The following DPP6 variants were observed in gnomAD, a reference collection of about 807,000 sequenced individuals.
DPP6 encodes the protein dipeptidyl peptidase like 6, also known as A-type potassium channel modulatory protein DPP6.
A neutral mutation model predicts 122.6 loss-of-function variants in DPP6; 69 were observed. The ratio of observed to expected loss-of-function variants is 0.56; its 90% CI spans 0.46 to 0.69. The LOEUF is 0.69. Ranked by LOEUF, DPP6 falls within the 30% of genes least tolerant of loss-of-function variation. The pLI, the probability that DPP6 is intolerant of heterozygous loss-of-function variation, is 0.00. For synonymous variants in DPP6, 418 were observed against 433.1 expected (o/e 0.97, Z 0.43); for missense variants, 928 against 1,116.9 (o/e 0.83, Z 2.41).
intron 7 of DPP6, among the ~76,000 whole-genome samples, chr7:154,701,376 A>G (rs1007481537): frequency 6.6e-6 from 1 of 152,212 alleles, no homozygotes; most frequent in African/African-American, 2.4e-5. Flanking sequence ...TTTTTAAAGT[A>G]TAACCCAACG....
rs752916936 is a variant in DPP6, at chr7:154,885,752, G to A, written c.2245+8G>A. ...CAGACTTCAAACTCTATGGTAAATA[G>A]CCCTGCAGGACCAAGCGACGGGCTC... On this transcript the variant is annotated splice_region_variant and intron_variant, in intron 22 of 25. Coordinates refer to ENST00000377770, the MANE Select transcript of DPP6 (RefSeq NM_130797.4). The A allele has an allele frequency of 8.2e-6, 13 of 1,580,590 alleles. No homozygotes were observed. Among genetic ancestry groups the A allele is most frequent in the Non-Finnish European group, 7.7e-6 (9 of 1,163,204 alleles).
chr7:154,003,006 C>A (rs533634597), intron 1 of DPP6, among the ~76,000 whole-genome samples: 1 of 151,836 alleles, frequency 6.6e-6, no homozygotes. Context: ...TAAAACAGGG[C>A]CTTTTGAGGG....
intron 1 of DPP6, among the ~76,000 whole-genome samples, chr7:154,374,700 C>T (rs943169787): frequency 2.0e-5 from 3 of 151,566 alleles, no homozygotes; most frequent in African/African-American, 7.3e-5. Flanking sequence ...CAACTTCCGA[C>T]TCCTGGGTTC....
chr7:154,082,846 C>CTTTCTTTTTTT (rs1260484862), intron 1 of DPP6, among the ~76,000 whole-genome samples: 10 of 106,254 alleles, frequency 9.4e-5, no homozygotes, highest in Admixed American at 1.9e-4. Context: ...TTTTCTTTTT[C>CTTTCTTTTTTT]TTTTTTTTTT....
intron 1 of DPP6, among the ~76,000 whole-genome samples, chr7:154,271,204 T>C (rs189445889): frequency 9.8e-5 from 15 of 152,336 alleles, no homozygotes; most frequent in African/African-American, 3.6e-4. Flanking sequence ...CCATTTATTT[T>C]GTCTCTACTG....
the DPP6 span, among the ~76,000 whole-genome samples, chr7:153,782,802 GCT>G: frequency 6.6e-6 from 1 of 152,062 alleles, no homozygotes; most frequent in African/African-American, 2.4e-5. Context: ...GCATCTCTCC[GCT>G]CTGTGTTGTT....
chr7:154,207,248 C>G (rs144942664), intron 1 of DPP6, among the ~76,000 whole-genome samples: 57 of 152,278 alleles, frequency 3.7e-4, no homozygotes, highest in African/African-American at 1.3e-3. Context: ...CTGTGAAAAC[C>G]CAATCATAGG....
chr7:153,852,089 C>T, the DPP6 span, among the ~76,000 whole-genome samples: 1 of 152,130 alleles, frequency 6.6e-6, no homozygotes, highest in Non-Finnish European at 1.5e-5. Context: ...TTCATGGTGG[C>T]TTCTCCCTTT....
chr7:154,338,959 G>C (rs114634745), intron 1 of DPP6, among the ~76,000 whole-genome samples: 1 of 152,136 alleles, frequency 6.6e-6, no homozygotes, highest in Non-Finnish European at 1.5e-5. Flanking sequence ...ACCGATGTGC[G>C]GGTGCCAATC....
At chr7:154,763,781 C>T (rs1319460178) in intron 8 of DPP6, among the ~76,000 whole-genome samples, 6 of 152,236 alleles carry the variant, frequency 3.9e-5, no homozygotes, top group African/African-American at 1.4e-4. Flanking sequence ...GCTCCCTAAG[C>T]TGGCTTTGGA....
At chr7:153,911,963 G>A (rs1188939790) in intron 1 of DPP6, among the ~76,000 whole-genome samples, 1 of 152,198 alleles carries the variant, frequency 6.6e-6, no homozygotes, top group Non-Finnish European at 1.5e-5. Context: ...AAGTCCTGAA[G>A]TACTTATCTG....
intron 24 of DPP6, 36 bp downstream of exon 24, chr7:154,889,380 G>C (rs1402995090): frequency 6.2e-6 from 10 of 1,609,024 alleles, no homozygotes; most frequent in Non-Finnish European, 8.5e-6. Context: ...TGTGTATCTA[G>C]TAAGAGCCTC....
intron 5 of DPP6, among the ~76,000 whole-genome samples, chr7:154,585,340 C>T (rs925765663): frequency 6.6e-6 from 1 of 152,140 alleles, no homozygotes; most frequent in East Asian, 1.9e-4. Flanking sequence ...GAGTTCTTAC[C>T]CTCAATGTCA....
chr7:153,802,608 T>C, the DPP6 span, among the ~76,000 whole-genome samples: 254 of 152,262 alleles, frequency 1.7e-3, no homozygotes, highest in African/African-American at 5.9e-3. Context: ...ATTATTGATG[T>C]TGTAAAATGC....
chr7:154,493,925 A>T (rs1824503456), intron 3 of DPP6, among the ~76,000 whole-genome samples: 1 of 152,238 alleles, frequency 6.6e-6, no homozygotes, highest in African/African-American at 2.4e-5. Flanking sequence ...GAGTTGCCAG[A>T]CTTCTCCTAG....
intron 5 of DPP6, among the ~76,000 whole-genome samples, chr7:154,589,815 T>C (rs1168179744): frequency 6.6e-6 from 1 of 152,248 alleles, no homozygotes; most frequent in Non-Finnish European, 1.5e-5. Context: ...TTTCAGATCA[T>C]GCCTCTGGAC....
chr7:154,397,011 A>G (rs1273200276), intron 1 of DPP6, among the ~76,000 whole-genome samples: 1 of 152,084 alleles, frequency 6.6e-6, no homozygotes, highest in African/African-American at 2.4e-5. Flanking sequence ...AATCTATGAA[A>G]CAGAATGAAA....
chr7:153,903,092 C>G (rs1563219552), intron 1 of DPP6, among the ~76,000 whole-genome samples: 2 of 152,116 alleles, frequency 1.3e-5, no homozygotes, highest in Non-Finnish European at 2.9e-5. Flanking sequence ...ACAATTTAGC[C>G]AAAATTGAGG....
At chr7:154,369,889 C>T (rs926575306) in intron 1 of DPP6, among the ~76,000 whole-genome samples, 12 of 152,170 alleles carry the variant, frequency 7.9e-5, no homozygotes, top group Admixed American at 6.5e-4. Flanking sequence ...AAATGTCCAC[C>T]AGGTGTTTAT....
Sources: allele counts gnomAD v4.1 joint callset (sites outside exome capture counted in the v4.1 genomes callset), GRCh38; gene constraint gnomAD v4.1.1; transcripts MANE v1.5; gene names NCBI Gene and HGNC (gene_info 2026-07-23, HGNC 2026-07-21).